Variants in FYB2 observed in about 807,000 individuals in gnomAD.
FYB2 encodes the protein FYN-binding protein 2.
A neutral mutation model predicts 94.1 loss-of-function variants in FYB2; 103 were observed. The ratio of observed to expected loss-of-function variants is 1.09; its 90% CI spans 0.93 to 1.29. The LOEUF (loss-of-function observed/expected upper bound fraction) is 1.29. Among genes scored for constraint, FYB2 ranks in the 50% most tolerant of loss-of-function variants. The pLI, the probability that FYB2 is intolerant of heterozygous loss-of-function variation, is 0.00. For synonymous variants in FYB2, 293 were observed against 287.9 expected, an observed-to-expected ratio of 1.02 and a Z score of -0.18; for missense variants, 896 against 841.5, an observed-to-expected ratio of 1.06 and a Z score of -0.80.
chr1:56,744,164 G>C lies in FYB2; in HGVS notation c.1490C>G (p.Ser497Cys). The C allele has an allele frequency of 1.9e-6, 3 of 1,612,342 alleles. No homozygotes were observed. Among genetic ancestry groups the C allele is most frequent in the Non-Finnish European group, 2.5e-6 (3 of 1,179,062 alleles). ...GAATGTTACTTACACCTCTTTCCTGGAGTACTCGACATCATCATATATCTC... is the reference window on the plus strand; with the variant it reads ...GAATGTTACTTACACCTCTTTCCTGCAGTACTCGACATCATCATATATCTC... Reference protein sequence around the residue: ...SEEIYDDVEYSRKEVPKLNYS... With the variant: ...SEEIYDDVEYCRKEVPKLNYS... Residue 497 changes from serine (S) to cysteine (C), a missense_variant, in exon 10 of 20, where the codon TCC (serine) becomes TGC (cysteine). Ser to Cys is a moderately radical substitution (Grantham distance 112). Transcript: ENST00000343433.
At chr1:56,822,604 TGTTTCCAA>T (rs1646998854), upstream of FYB2, among the ~76,000 whole-genome samples, 1 of 152,176 alleles carries the variant, frequency 6.6e-6, no homozygotes, top group African/African-American at 2.4e-5. Context: ...ACATTCTTAA[TGTTTCCAA>T]ACCTTACTTT....
chr1:56,763,318 G>A (rs1645544182), intron 5 of FYB2, among the ~76,000 whole-genome samples: 1 of 152,120 alleles, frequency 6.6e-6, no homozygotes, highest in Admixed American at 6.5e-5. Context: ...GGGAAAGATT[G>A]TATAAAATTG....
intron 5 of FYB2, among the ~76,000 whole-genome samples, chr1:56,763,251 G>A (rs986301428): frequency 1.3e-5 from 2 of 152,108 alleles, no homozygotes; most frequent in African/African-American, 4.8e-5. Flanking sequence ...GTCTAGTTTT[G>A]ATATCATGGT....
intron 4 of FYB2, among the ~76,000 whole-genome samples, chr1:56,782,876 T>C (rs1646040174): frequency 6.6e-6 from 1 of 152,122 alleles, no homozygotes; most frequent in Admixed American, 6.5e-5. Context: ...CACTTCTTAA[T>C]GAGAGAAAAG....
chr1:56,731,820 A>G (rs1216065085), intron 15 of FYB2: 1 of 152,172 alleles, frequency 6.6e-6, no homozygotes, highest in African/African-American at 2.4e-5. Context: ...GCTCTCAATA[A>G]ATTAGGCATA....
At chr1:56,822,446 T>C (rs1260759005), upstream of FYB2, among the ~76,000 whole-genome samples, 1 of 152,230 alleles carries the variant, frequency 6.6e-6, no homozygotes, top group Non-Finnish European at 1.5e-5. Context: ...AGGCTGAAGT[T>C]TGGCTCAAAA....
chr1:56,723,595 C>A lies in FYB2; in HGVS notation c.1967G>T (p.Arg656Met), dbSNP rs768283074. The A allele has an allele frequency of 6.5e-7, 1 of 1,536,048 alleles. No homozygotes were observed. The highest frequency in any genetic ancestry group is 8.9e-7 in the Non-Finnish European group (1 of 1,117,680). The change falls in exon 17 of 20, where the codon AGG becomes ATG. Residue 656 changes from arginine (R) to methionine (M), a missense_variant. Arg to Met is a moderately conservative substitution (Grantham distance 91, BLOSUM62 -1). Coordinates refer to ENST00000343433, the MANE Select transcript of FYB2 (RefSeq NM_001004303.5). ...MKREEKLFRE[R>M]FKYDKEIIVI... ...CTTCAGAAGAGAACGTACCTTAAAC[C>A]TTTCTCTAAATAGTTTTTCTTCTCT...
chr1:56,724,386 C>G (rs1246575511), intron 16 of FYB2, among the ~76,000 whole-genome samples: 1 of 152,036 alleles, frequency 6.6e-6, no homozygotes, highest in Non-Finnish European at 1.5e-5. Flanking sequence ...TTTGGTTCTT[C>G]TTTTTAGCAG....
At chr1:56,750,501 C>A (rs542043224) in intron 9 of FYB2, among the ~76,000 whole-genome samples, 2 of 152,018 alleles carry the variant, frequency 1.3e-5, no homozygotes, top group South Asian at 4.2e-4. Flanking sequence ...AGGTGAACCT[C>A]CTTTTCTTTT....
In FYB2 at chr1:56,791,649, G is replaced by A. The variant is rs1646268641; in HGVS notation, c.757+407C>T. Among the ~76,000 whole-genome samples, 3 of 152,044 alleles carry A rather than the reference G, an allele frequency of 2.0e-5. No homozygotes were observed. In the East Asian group the frequency reaches 5.8e-4, roughly 30 times the overall value. On this transcript the variant is annotated intron_variant, in intron 2 of 19. Coordinates refer to ENST00000343433, the MANE Select transcript of FYB2 (RefSeq NM_001004303.5). ...AGATTCAGTGTGTAGAATGAGGGAG[G>A]AGAAGGGAAATAGAGCATGGCTCGT...
chr1:56,773,612 C>T (rs947100999), intron 4 of FYB2, among the ~76,000 whole-genome samples: 2 of 152,104 alleles, frequency 1.3e-5, no homozygotes, highest in Non-Finnish European at 2.9e-5. Context: ...GGAGAAGACT[C>T]CTGTGCCACA....
At chr1:56,752,808 A>T (rs61765486) in intron 8 of FYB2, among the ~76,000 whole-genome samples, 13,982 of 152,128 alleles carry the variant, frequency 0.092, 822 homozygotes, top group East Asian at 0.23. Flanking sequence ...CATAGCCAGC[A>T]TTGAAAAAGA....
chr1:56,753,961 A>AT, intron 7 of FYB2, 26 bp from the exon 8 acceptor site: 1 of 1,461,434 alleles, frequency 6.8e-7, no homozygotes, highest in South Asian at 1.1e-5. Context: ...ATACCAGGAA[A>AT]AAAATGAAGC....
intron 15 of FYB2, among the ~76,000 whole-genome samples, chr1:56,727,709 G>T (rs1051983970): frequency 5.9e-5 from 9 of 152,092 alleles, no homozygotes. Flanking sequence ...AAGGATACAT[G>T]AAGTATACAA....
rs755054806 is a variant in FYB2 at position 56,720,268 on chromosome 1, C to G, written c.2036G>C (p.Gly679Ala). Residue 679 changes from glycine to alanine, a missense_variant, in exon 18 of 20, where the codon GGA becomes GCA. Transcript: ENST00000343433. The stretch of plus-strand genomic sequence containing the variant: ...AGGACTTATTGGCAAATCAAATATT[C>G]CATTTCTTGAATTATTGGAACAGGC... ...AVACSNNSRN[G>A]IFDLPISPGE... 1.9e-6 allele frequency: 3 copies of G among 1,611,938 alleles called. No homozygotes were observed. In the South Asian group the frequency reaches 3.3e-5, roughly 18 times the overall value.
At chr1:56,806,524 A>G (rs1646651241) in intron 1 of FYB2, among the ~76,000 whole-genome samples, 1 of 152,192 alleles carries the variant, frequency 6.6e-6, no homozygotes, top group Admixed American at 6.5e-5. Context: ...ACAGGCCACT[A>G]GAAACAAACT....
intron 9 of FYB2, among the ~76,000 whole-genome samples, chr1:56,745,321 C>T (rs76026718): frequency 0.061 from 9,319 of 152,094 alleles, 363 homozygotes; most frequent in South Asian, 0.14. Flanking sequence ...ACTTTATCAG[C>T]CTTCACACCA....
In FYB2 at chr1:56,720,022, T is replaced by C; in HGVS notation, c.2165A>G (p.Lys722Arg). 6.3e-7 allele frequency: 1 copy of C among 1,599,830 alleles called. No individual in the cohort carries two copies. The highest frequency in any genetic ancestry group is 1.1e-5 in the South Asian group (1 of 88,156). The part of the protein sequence containing the change: ...GYVLIEHLDF[K>R]HQSWSP The stretch of plus-strand genomic sequence containing the variant: ...TAAAGTATAAAATCAAACAGCTTAC[T>C]TGAAATCTAGATGTTCAATGAGCAC... Residue 722 changes from lysine (K) to arginine (R), a missense_variant and splice_region_variant, in exon 19 of 20, where the codon AAG becomes AGG. Coordinates refer to ENST00000343433, the MANE Select transcript of FYB2 (RefSeq NM_001004303.5).
intron 9 of FYB2, among the ~76,000 whole-genome samples, chr1:56,750,378 T>C (rs1485014113): frequency 6.6e-6 from 1 of 151,994 alleles, no homozygotes; most frequent in Non-Finnish European, 1.5e-5. Flanking sequence ...GCCGTTCTGT[T>C]GCTATTGAAG....
Sources: gnomAD v4.1 joint callset for allele counts (sites outside exome capture counted in the v4.1 genomes callset) on GRCh38, gnomAD v4.1.1 for gene constraint, MANE v1.5 for transcripts, NCBI Gene and HGNC (gene_info 2026-07-23, HGNC 2026-07-21) for gene names.